The following ATG7 variants were observed in gnomAD, a reference collection of about 807,000 sequenced individuals.
ATG7 encodes the protein autophagy related 7.
ATG7 carries 70 observed loss-of-function variants against 82.4 expected under a neutral mutation model. That is an observed-to-expected ratio of 0.85 (90% confidence interval 0.70 to 1.04). The LOEUF (loss-of-function observed/expected upper bound fraction) is 1.04. ATG7 is among the 50% of genes least tolerant of loss of function. The pLI is 0.00. For synonymous variants in ATG7, 287 were observed against 313.0 expected (o/e 0.92, Z 0.88); for missense variants, 792 against 864.3 (o/e 0.92, Z 1.05).
At chr3:11,331,602 CTT>C (rs1951660147) in intron 10 of ATG7, among the ~76,000 whole-genome samples, 174 bp downstream of exon 10, 2 of 152,132 alleles carry the variant, frequency 1.3e-5, no homozygotes, top group South Asian at 4.1e-4. Context: ...ACTAGTGAAC[CTT>C]AAGCAGGTCT....
chr3:11,396,306 A>G (rs2079267754), intron 19 of ATG7, among the ~76,000 whole-genome samples: 1 of 151,792 alleles, frequency 6.6e-6, no homozygotes, highest in Non-Finnish European at 1.5e-5. Flanking sequence ...AATTAGCCAG[A>G]CGCATGCCTG....
intron 20 of ATG7, among the ~76,000 whole-genome samples, chr3:11,455,597 G>T (rs969956263): frequency 6.6e-6 from 1 of 152,224 alleles, no homozygotes; most frequent in Non-Finnish European, 1.5e-5. Flanking sequence ...TCGTGAGCTT[G>T]TCCATGTATT....
At chr3:11,564,937 T>C in the ATG7 span, 369 of 1,585,012 alleles carry the variant, frequency 2.3e-4, 5 homozygotes, top group African/African-American at 4.2e-3. Context: ...TGCAGGCTCA[T>C]GGTGGGGGCC....
chr3:11,486,980 G>T (rs1189300336), intron 20 of ATG7, among the ~76,000 whole-genome samples: 1 of 151,638 alleles, frequency 6.6e-6, no homozygotes, highest in African/African-American at 2.4e-5. Flanking sequence ...AGGACCCTGC[G>T]GCCTTCCGCA....
chr3:11,338,042 A>G (rs376370741), intron 11 of ATG7, among the ~76,000 whole-genome samples: 5 of 152,270 alleles, frequency 3.3e-5, no homozygotes, highest in African/African-American at 1.2e-4. Context: ...TTTGTTGTAC[A>G]GATTATTTGA....
intron 3 of ATG7, among the ~76,000 whole-genome samples, chr3:11,294,835 C>T (rs1206008896): frequency 6.6e-6 from 1 of 152,192 alleles, no homozygotes; most frequent in African/African-American, 2.4e-5. Context: ...TGCTCAAAGG[C>T]CGGGAGCAGT....
downstream of ATG7, chr3:11,558,906 G>A: frequency 2.0e-6 from 3 of 1,529,778 alleles, no homozygotes; most frequent in Non-Finnish European, 2.7e-6. Flanking sequence ...CCCTCCCTCA[G>A]GCAGCCCAGA....
intron 19 of ATG7, among the ~76,000 whole-genome samples, chr3:11,385,888 G>T (rs1441247345): frequency 6.6e-6 from 1 of 152,212 alleles, no homozygotes; most frequent in East Asian, 1.9e-4. Flanking sequence ...TCGTCCTCTT[G>T]TCTTTGTGAG....
At chr3:11,541,754 A>C (rs6803125) in intron 20 of ATG7, among the ~76,000 whole-genome samples, 1 of 152,056 alleles carries the variant, frequency 6.6e-6, no homozygotes. Flanking sequence ...AAGCCCTTTG[A>C]GGTAGAGAAC....
At chr3:11,573,307 GGAAGGAAGGAAGAAAGA>G in the ATG7 span, among the ~76,000 whole-genome samples, 1 of 19,962 alleles carries the variant, frequency 5.0e-5, no homozygotes, top group African/African-American at 4.4e-4. Context: ...AAGAAAGAAA[GGAAGGAAGGAAGAAAGA>G]AAGAAAGAAA....
chr3:11,530,631 A>AC (rs1559805328), intron 20 of ATG7, among the ~76,000 whole-genome samples: 1 of 152,034 alleles, frequency 6.6e-6, no homozygotes, highest in African/African-American at 2.4e-5. Context: ...TCCAGCAGTG[A>AC]CCCCCACTGA....
chr3:11,551,235 C>T (rs1166007687), intron 20 of ATG7, among the ~76,000 whole-genome samples: 1 of 152,220 alleles, frequency 6.6e-6, no homozygotes, highest in Non-Finnish European at 1.5e-5. Context: ...GCGTCTCCCT[C>T]GGCCCATGGT....
At position 11,362,807 on chromosome 3, in the gene ATG7, T is replaced by C. The variant is rs1351472093; in HGVS notation, c.1684-6T>C. On this transcript the variant is annotated splice_region_variant and splice_polypyrimidine_tract_variant and intron_variant, in intron 16 of 20. Transcript: ENST00000693202. ...TCTGCACACACCAATGATTGTTTCT[T>C]TGCAGTCAACCAGAGACCGGACCTT... is the stretch of plus-strand genomic sequence containing the variant. 6.2e-7 allele frequency: 1 copy of C among 1,613,224 alleles called. No individual in the cohort carries two copies. Among genetic ancestry groups the C allele is most frequent in the Non-Finnish European group, 8.5e-7 (1 of 1,179,484 alleles).
intron 18 of ATG7, among the ~76,000 whole-genome samples, chr3:11,375,478 G>A (rs2077348035): frequency 6.6e-6 from 1 of 152,214 alleles, no homozygotes; most frequent in Non-Finnish European, 1.5e-5. Flanking sequence ...TCACTAGGAT[G>A]GCTATAATCT....
the ATG7 span, among the ~76,000 whole-genome samples, chr3:11,574,785 A>ATGTATGTGTGTGTGTGTGTG: frequency 2.5e-5 from 3 of 121,696 alleles, no homozygotes; most frequent in African/African-American, 9.6e-5. Flanking sequence ...TCAACTATAT[A>ATGTATGTGTGTGTGTGTGTG]TGTGTGTGTG....
chr3:11,479,000 ACACACACACACAC>A (rs2088600123), intron 20 of ATG7, among the ~76,000 whole-genome samples: 36 of 150,464 alleles, frequency 2.4e-4, no homozygotes, highest in Admixed American at 4.6e-4. Flanking sequence ...ACACACACAC[ACACACACACACAC>A]ACACACACAC....
chr3:11,484,766 T>A (rs2089434359), intron 20 of ATG7, among the ~76,000 whole-genome samples: 1 of 152,160 alleles, frequency 6.6e-6, no homozygotes, highest in South Asian at 2.1e-4. Context: ...ATTGTTCAAT[T>A]CCCACCTATG....
At chr3:11,451,841 C>CTT (rs1338728556) in intron 20 of ATG7, among the ~76,000 whole-genome samples, 1 of 149,740 alleles carries the variant, frequency 6.7e-6, no homozygotes, top group African/African-American at 2.5e-5. Context: ...CTCTCTATCT[C>CTT]TCTCTCTATA....
intron 20 of ATG7, among the ~76,000 whole-genome samples, chr3:11,483,780 T>C (rs1412598851): frequency 6.6e-6 from 1 of 152,206 alleles, no homozygotes; most frequent in African/African-American, 2.4e-5. Flanking sequence ...TTGTACACAA[T>C]GACCCTGCAG....
Sources: allele counts gnomAD v4.1 joint callset (sites outside exome capture counted in the v4.1 genomes callset), GRCh38; gene constraint gnomAD v4.1.1; transcripts MANE v1.5; gene names NCBI Gene and HGNC (gene_info 2026-07-23, HGNC 2026-07-21).